PAG1: variants seen among roughly 807,000 people sequenced by gnomAD.
PAG1 encodes phosphoprotein membrane anchor with glycosphingolipid microdomains 1, also known as phosphoprotein associated with glycosphingolipid-enriched microdomains 1.
In PAG1, 23 loss-of-function variants were observed where a neutral mutation model predicts 31.7. That is an observed-to-expected ratio of 0.73 (90% CI 0.52 to 1.03). The LOEUF is 1.03. Among genes scored for constraint, PAG1 ranks in the 50% least tolerant of loss-of-function variants. The pLI is 0.00. For missense variants in PAG1, 473 were observed against 540.7 expected, an observed-to-expected ratio of 0.87 and a Z score of 1.24; for synonymous variants, 214 against 210.3, an observed-to-expected ratio of 1.02 and a Z score of -0.15.
intron 2 of PAG1, among the ~76,000 whole-genome samples, chr8:81,040,388 T>G (rs1196616839): frequency 6.6e-6 from 1 of 152,098 alleles, no homozygotes; most frequent in Non-Finnish European, 1.5e-5. Context: ...TCCACCTCCA[T>G]TGTGGTGGCT....
At chr8:80,981,618 C>G (rs1201599347) in intron 7 of PAG1, among the ~76,000 whole-genome samples, 1 of 152,100 alleles carries the variant, frequency 6.6e-6, no homozygotes, top group Non-Finnish European at 1.5e-5. Flanking sequence ...CCCTCAGCCT[C>G]TGCGTTAATC....
At chr8:81,045,685 T>C (rs1435903834) in intron 2 of PAG1, among the ~76,000 whole-genome samples, 1 of 152,238 alleles carries the variant, frequency 6.6e-6, no homozygotes, top group Non-Finnish European at 1.5e-5. Context: ...TTGTACAGTA[T>C]GTGAAAGATA....
chr8:80,991,325 TACTGCATCCATTTC>T (rs1260697582), intron 5 of PAG1, among the ~76,000 whole-genome samples, 140 bp downstream of exon 5: 2 of 152,202 alleles, frequency 1.3e-5, no homozygotes, highest in Admixed American at 6.5e-5. Flanking sequence ...GCAGCAGCAC[TACTGCATCCATTTC>T]AGAAGCCACC....
intron 2 of PAG1, among the ~76,000 whole-genome samples, chr8:81,039,988 A>G (rs964292331): frequency 1.3e-5 from 2 of 152,202 alleles, no homozygotes; most frequent in Non-Finnish European, 2.9e-5. Flanking sequence ...AAGAATTTAT[A>G]TCAACCAAAA....
intron 2 of PAG1, among the ~76,000 whole-genome samples, chr8:81,047,222 G>C (rs112363346): frequency 1.3e-5 from 2 of 152,184 alleles, no homozygotes; most frequent in Non-Finnish European, 2.9e-5. Flanking sequence ...TAATGGGGTT[G>C]CTGGGTTAAA....
chr8:81,082,270 A>G (rs1019513496), intron 1 of PAG1, among the ~76,000 whole-genome samples: 19 of 150,830 alleles, frequency 1.3e-4, no homozygotes, highest in East Asian at 3.9e-4. Context: ...AAAAAAAAAA[A>G]AAAGAAAAGA....
chr8:81,077,196 C>T (rs897501218), intron 1 of PAG1, among the ~76,000 whole-genome samples: 4 of 152,200 alleles, frequency 2.6e-5, no homozygotes, highest in African/African-American at 7.2e-5. Context: ...AGAATCTGCA[C>T]ATTTAACAGG....
At chr8:81,060,254 A>G (rs1808896631) in intron 2 of PAG1, among the ~76,000 whole-genome samples, 1 of 152,230 alleles carries the variant, frequency 6.6e-6, no homozygotes, top group Non-Finnish European at 1.5e-5. Flanking sequence ...AAAACTCAAA[A>G]GAGACAAAAA....
intron 3 of PAG1, among the ~76,000 whole-genome samples, chr8:81,005,832 G>A (rs759300699): frequency 6.6e-5 from 10 of 152,118 alleles, no homozygotes; most frequent in Non-Finnish European, 1.2e-4. Context: ...ACTCCCTGAC[G>A]TTCTCCCAGT....
At chr8:81,029,551 T>C (rs940363452) in intron 3 of PAG1, among the ~76,000 whole-genome samples, 1 of 152,240 alleles carries the variant, frequency 6.6e-6, no homozygotes, top group Non-Finnish European at 1.5e-5. Flanking sequence ...TCAGTTGGTG[T>C]AAAATATTAT....
chr8:81,036,013 C>T (rs1055667759), intron 2 of PAG1, among the ~76,000 whole-genome samples: 2 of 152,130 alleles, frequency 1.3e-5, no homozygotes, highest in Non-Finnish European at 2.9e-5. Flanking sequence ...TAAGCTTCAT[C>T]TCTCCTTACT....
intron 1 of PAG1, among the ~76,000 whole-genome samples, chr8:81,082,122 A>T (rs1365038252): frequency 6.6e-6 from 1 of 151,798 alleles, no homozygotes; most frequent in Non-Finnish European, 1.5e-5. Context: ...GCATGGTGGC[A>T]CACACCTGTA....
intron 1 of PAG1, among the ~76,000 whole-genome samples, chr8:81,075,788 C>G (rs1372138765): frequency 2.6e-5 from 4 of 152,214 alleles, no homozygotes; most frequent in Non-Finnish European, 5.9e-5. Context: ...GTGGCACACA[C>G]AGCTCCCTCC....
chr8:81,105,071 C>T (rs928389885), intron 1 of PAG1, among the ~76,000 whole-genome samples: 1 of 152,008 alleles, frequency 6.6e-6, no homozygotes, highest in African/African-American at 2.4e-5. Flanking sequence ...TCTCCCTGCC[C>T]ACTCCCACCC....
chr8:80,988,698 C>T (rs1255408862), intron 5 of PAG1, among the ~76,000 whole-genome samples: 2 of 152,268 alleles, frequency 1.3e-5, no homozygotes, highest in South Asian at 2.1e-4. Flanking sequence ...GCGATATGCC[C>T]ACCCCAGCCT....
intron 2 of PAG1, among the ~76,000 whole-genome samples, chr8:81,059,745 G>T (rs1309358363): frequency 6.6e-6 from 1 of 152,126 alleles, no homozygotes; most frequent in Non-Finnish European, 1.5e-5. Context: ...GTATTTTGGG[G>T]CTGGGTGTTG....
intron 1 of PAG1, among the ~76,000 whole-genome samples, chr8:81,081,107 C>A (rs1378721317): frequency 6.6e-6 from 1 of 152,012 alleles, no homozygotes; most frequent in Non-Finnish European, 1.5e-5. Context: ...TACAATAATG[C>A]TGACCTCACA....
At chr8:81,102,042 C>T (rs1471107056) in intron 1 of PAG1, among the ~76,000 whole-genome samples, 1 of 151,916 alleles carries the variant, frequency 6.6e-6, no homozygotes, top group Non-Finnish European at 1.5e-5. Context: ...AACTCTATGC[C>T]CTGGATTATC....
chr8:80,969,161 G>C lies in PAG1; in HGVS notation c.*7383C>G, dbSNP rs1296447213. On this transcript the variant is annotated 3_prime_UTR_variant, in exon 9 of 9. Coordinates refer to ENST00000220597, the MANE Select transcript of PAG1 (RefSeq NM_018440.4). ...TGGCCATCTTCCAGGACATGGGCGG[G>C]TAGTGGCACATAGGAATTAAATCCT... 1 of 152,166 alleles carries C rather than the reference G, an allele frequency of 6.6e-6. No homozygotes were observed. The highest frequency in any genetic ancestry group is 1.5e-5 in the Non-Finnish European group (1 of 68,042). 9.4% of individuals were successfully genotyped at this position (152,166 alleles called of 1,614,324 possible). A position where few individuals can be genotyped will look rare whatever the true frequency, so the allele number is the denominator to read the frequency against.
Sources: gnomAD v4.1 joint callset for allele counts (sites outside exome capture counted in the v4.1 genomes callset) on GRCh38, gnomAD v4.1.1 for gene constraint, MANE v1.5 for transcripts, NCBI Gene and HGNC (gene_info 2026-07-23, HGNC 2026-07-21) for gene names.